IQGAP2: variants seen among roughly 807,000 people sequenced by gnomAD.
IQGAP2 encodes IQ motif containing GTPase activating protein 2.
A neutral mutation model predicts 201.3 loss-of-function variants in IQGAP2; 173 were observed. The ratio of observed to expected loss-of-function variants is 0.86; its 90% CI spans 0.76 to 0.98. The LOEUF is 0.98. Ranked by LOEUF, IQGAP2 falls within the 50% of genes least tolerant of loss-of-function variation. The pLI is 0.00. For missense variants in IQGAP2, 1,687 were observed against 1,864.8 expected, an observed-to-expected ratio of 0.90 and a Z score of 1.76; for synonymous variants, 675 against 673.9, an observed-to-expected ratio of 1.00 and a Z score of -0.03.
At chr5:76,612,357 G>A (rs1396213833) in intron 13 of IQGAP2, among the ~76,000 whole-genome samples, 2 of 152,078 alleles carry the variant, frequency 1.3e-5, no homozygotes, top group African/African-American at 4.8e-5. Context: ...TTAGCCAGGT[G>A]TGGTGGCTCA....
rs182087954 is a variant in IQGAP2 at position 76,450,991 on chromosome 5, T to C, written c.47-10579T>C. Among the ~76,000 whole-genome samples the C allele has an allele frequency of 1.1e-4, 17 of 152,326 alleles. No homozygotes were observed. The East Asian group carries it at 3.1e-3, about 28-fold the overall frequency. ...TATGCTTGCATTAATAGCACCCATC[T>C]GTTCAACATCATAGTCTTCTAATTG... On this transcript the variant is annotated intron_variant, in intron 1 of 35. Coordinates refer to ENST00000274364, the MANE Select transcript of IQGAP2 (RefSeq NM_006633.5).
intron 11 of IQGAP2, among the ~76,000 whole-genome samples, chr5:76,602,472 G>A (rs936357397): frequency 6.6e-6 from 1 of 152,090 alleles, no homozygotes; most frequent in Admixed American, 6.5e-5. Flanking sequence ...TTAAAGAAGT[G>A]GTCCCATTCT....
chr5:76,477,575 A>G (rs1755515802), intron 2 of IQGAP2, among the ~76,000 whole-genome samples: 1 of 152,198 alleles, frequency 6.6e-6, no homozygotes, highest in African/African-American at 2.4e-5. Context: ...AGTACATAAT[A>G]CTTCATAATG....
chr5:76,630,866 TA>T (rs1750640775), intron 14 of IQGAP2, among the ~76,000 whole-genome samples: 1 of 152,080 alleles, frequency 6.6e-6, no homozygotes, highest in Admixed American at 6.5e-5. Context: ...CCCCTTCATC[TA>T]TATGTGCCCC....
At chr5:76,588,084 T>A (rs1423372393) in intron 5 of IQGAP2, among the ~76,000 whole-genome samples, 2 of 152,218 alleles carry the variant, frequency 1.3e-5, no homozygotes, top group African/African-American at 4.8e-5. Context: ...TCTTAATGCA[T>A]TTAATGAAAT....
rs900316224 is a variant in IQGAP2, at chr5:76,673,599, A to G, written c.3209+10A>G. On this transcript the variant is annotated intron_variant, in intron 25 of 35. Transcript: ENST00000274364. The stretch of plus-strand genomic sequence containing the variant: ...CCCTTGATCTACTGCCGTAAGTTGT[A>G]CTTGCAGCAAGTTTAACATTCTTTC... 10 of 1,612,764 alleles carry G rather than the reference A, an allele frequency of 6.2e-6. No homozygotes were observed. The African/African-American group carries it at 1.3e-4, about 22-fold the overall frequency.
chr5:76,560,095 T>A (rs1322670356), intron 2 of IQGAP2, among the ~76,000 whole-genome samples: 1 of 152,184 alleles, frequency 6.6e-6, no homozygotes, highest in African/African-American at 2.4e-5. Flanking sequence ...AACATAGAAG[T>A]GTTTTGGTCT....
intron 2 of IQGAP2, among the ~76,000 whole-genome samples, chr5:76,490,855 C>A (rs1436370249): frequency 1.3e-5 from 2 of 152,040 alleles, no homozygotes; most frequent in South Asian, 2.1e-4. Context: ...GCTGTAGGAC[C>A]AAAGGGCTGA....
At chr5:76,622,914 G>A (rs186174724) in intron 13 of IQGAP2, among the ~76,000 whole-genome samples, 145 of 152,262 alleles carry the variant, frequency 9.5e-4, no homozygotes, top group African/African-American at 3.1e-3. Flanking sequence ...TGACTTAATC[G>A]TAGACATCTA....
At chr5:76,568,357 A>C (rs1375041762) in intron 3 of IQGAP2, among the ~76,000 whole-genome samples, 1 of 152,208 alleles carries the variant, frequency 6.6e-6, no homozygotes, top group Non-Finnish European at 1.5e-5. Context: ...TAATAATTAT[A>C]ATAGCTAATA....
chr5:76,459,797 C>T (rs565577810), intron 1 of IQGAP2, among the ~76,000 whole-genome samples: 36 of 152,148 alleles, frequency 2.4e-4, no homozygotes, highest in Middle Eastern at 3.4e-3. Context: ...ATTACCACCG[C>T]GCCTGGCTAA....
At chr5:76,558,716 G>A (rs1005140436) in intron 2 of IQGAP2, among the ~76,000 whole-genome samples, 1 of 152,098 alleles carries the variant, frequency 6.6e-6, no homozygotes, top group African/African-American at 2.4e-5. Flanking sequence ...GTTAGAGCTG[G>A]CAAGGACTTT....
chr5:76,603,329 C>T (rs1439252202), intron 11 of IQGAP2, among the ~76,000 whole-genome samples: 1 of 152,154 alleles, frequency 6.6e-6, no homozygotes, highest in African/African-American at 2.4e-5. Context: ...TGTTATCTCT[C>T]CTGGGAGGTA....
At chr5:76,618,004 A>G in intron 13 of IQGAP2, 1 of 1,614,196 alleles carries the variant, frequency 6.2e-7, no homozygotes, top group Non-Finnish European at 8.5e-7. Context: ...ACAAGATAAT[A>G]TTCCTGCTTC....
chr5:76,580,974 C>A (rs780454971), intron 5 of IQGAP2, among the ~76,000 whole-genome samples: 1 of 152,226 alleles, frequency 6.6e-6, no homozygotes, highest in Admixed American at 6.5e-5. Flanking sequence ...CAGCCACAAA[C>A]GGAAGCTATG....
chr5:76,452,518 T>C (rs1753823556), intron 1 of IQGAP2, among the ~76,000 whole-genome samples: 1 of 152,212 alleles, frequency 6.6e-6, no homozygotes, highest in Admixed American at 6.5e-5. Flanking sequence ...ATATTTGAGA[T>C]TTTTGGATCT....
intron 2 of IQGAP2, among the ~76,000 whole-genome samples, chr5:76,517,033 C>G (rs866996822): frequency 2.0e-5 from 3 of 152,102 alleles, no homozygotes; most frequent in Middle Eastern, 3.4e-3. Context: ...AATTAACAGT[C>G]GGTAAGAGAG....
intron 1 of IQGAP2, among the ~76,000 whole-genome samples, chr5:76,457,515 A>T (rs1754170849): frequency 6.6e-6 from 1 of 152,200 alleles, no homozygotes; most frequent in South Asian, 2.1e-4. Context: ...CATCTCCATA[A>T]TAAACTGGCA....
intron 2 of IQGAP2, among the ~76,000 whole-genome samples, chr5:76,552,078 G>C (rs1743594771): frequency 6.6e-6 from 1 of 152,200 alleles, no homozygotes; most frequent in Non-Finnish European, 1.5e-5. Context: ...TGTGGGGTGA[G>C]AGTAGTAGCT....
Sources: gnomAD v4.1 joint callset for allele counts (sites outside exome capture counted in the v4.1 genomes callset) on GRCh38, gnomAD v4.1.1 for gene constraint, MANE v1.5 for transcripts, NCBI Gene and HGNC (gene_info 2026-07-23, HGNC 2026-07-21) for gene names.